NUBPL: variants seen among roughly 807,000 people sequenced by gnomAD.
NUBPL encodes NUBP iron-sulfur cluster assembly factor, mitochondrial.
Under a neutral mutation model 45.7 loss-of-function variants are expected in NUBPL, and 31 were observed. That is an observed-to-expected ratio of 0.68 (90% CI 0.51 to 0.92). The LOEUF (loss-of-function observed/expected upper bound fraction) is 0.92, where lower values mean the gene tolerates loss of function less well. NUBPL is among the 40% of genes least tolerant of loss of function. NUBPL has a pLI of 0.00. For missense variants in NUBPL, 401 were observed against 398.7 expected (o/e 1.01, Z -0.05); for synonymous variants, 144 against 140.9 (o/e 1.02, Z -0.15).
intron 3 of NUBPL, among the ~76,000 whole-genome samples, chr14:31,565,847 C>A (rs1332621244): frequency 6.6e-6 from 1 of 151,848 alleles, no homozygotes; most frequent in African/African-American, 2.4e-5. Context: ...AATTTCAGTT[C>A]CATTCTTTTC....
At chr14:31,713,846 A>G (rs2037629336) in intron 6 of NUBPL, among the ~76,000 whole-genome samples, 1 of 152,196 alleles carries the variant, frequency 6.6e-6, no homozygotes, top group Non-Finnish European at 1.5e-5. Flanking sequence ...TTAAATTTAT[A>G]TGGTGCAAAC....
rs900709293 is a variant in NUBPL at position 31,807,441 on chromosome 14, T to A, written c.608-19188T>A. Reference sequence around the variant, plus strand: ...TCTTCTTTTGAGAAGTGTCTGTTCATATCCTTTGCCCACTTTTTGATGGGG... The same window carrying A: ...TCTTCTTTTGAGAAGTGTCTGTTCAAATCCTTTGCCCACTTTTTGATGGGG... On this transcript the variant is annotated intron_variant, in intron 7 of 10. Coordinates refer to ENST00000281081, the MANE Select transcript of NUBPL (RefSeq NM_025152.3). 1.9e-4 allele frequency among the ~76,000 whole-genome samples: 29 copies of A among 152,338 alleles called. No homozygotes were observed. In the East Asian group the frequency reaches 2.1e-3, roughly 11 times the overall value.
At chr14:31,786,338 C>T (rs553265730) in intron 6 of NUBPL, among the ~76,000 whole-genome samples, 62 of 152,252 alleles carry the variant, frequency 4.1e-4, no homozygotes, top group Non-Finnish European at 7.1e-4. Context: ...ACGTCTTGAG[C>T]GTCTCCTGTT....
intron 3 of NUBPL, among the ~76,000 whole-genome samples, chr14:31,571,965 G>T (rs1027787225): frequency 1.6e-4 from 25 of 152,038 alleles, no homozygotes; most frequent in African/African-American, 5.8e-4. Flanking sequence ...AACGTTATGG[G>T]AATAAGTACT....
chr14:31,686,613 T>G (rs2036958058), intron 6 of NUBPL: 1 of 152,232 alleles, frequency 6.6e-6, no homozygotes. Context: ...CAGTTAAGTT[T>G]GAGCATCAGA....
intron 4 of NUBPL, among the ~76,000 whole-genome samples, chr14:31,659,604 G>C (rs1217759713): frequency 1.3e-5 from 2 of 152,274 alleles, no homozygotes; most frequent in Non-Finnish European, 2.9e-5. Context: ...AGTTTTAGAA[G>C]TGAGATACCA....
chr14:31,590,382 CT>C, intron 3 of NUBPL, among the ~76,000 whole-genome samples: 1 of 151,944 alleles, frequency 6.6e-6, no homozygotes, highest in Non-Finnish European at 1.5e-5. Flanking sequence ...CAGGAAGGGC[CT>C]TTAATTCTCA....
At chr14:31,696,382 TC>T (rs2037214950) in intron 6 of NUBPL, among the ~76,000 whole-genome samples, 1 of 152,222 alleles carries the variant, frequency 6.6e-6, no homozygotes, top group East Asian at 1.9e-4. Context: ...GCATGTCATC[TC>T]TTGTTCTCCC....
chr14:31,656,111 A>G (rs1394127832), intron 4 of NUBPL, among the ~76,000 whole-genome samples: 1 of 152,056 alleles, frequency 6.6e-6, no homozygotes, highest in African/African-American at 2.4e-5. Context: ...CTTAAACCTC[A>G]TGAACCAATA....
intron 6 of NUBPL, among the ~76,000 whole-genome samples, chr14:31,707,128 C>G (rs1302682945): frequency 6.6e-6 from 1 of 152,182 alleles, no homozygotes; most frequent in East Asian, 1.9e-4. Flanking sequence ...GGAGTTCCTC[C>G]TAGATCTGGT....
At chr14:31,793,114 A>T (rs117175902) in intron 7 of NUBPL, among the ~76,000 whole-genome samples, 4 of 152,138 alleles carry the variant, frequency 2.6e-5, no homozygotes, top group African/African-American at 7.2e-5. Flanking sequence ...CCCATATCCC[A>T]TAAACAACAT....
At chr14:31,628,599 T>C (rs540106377) in intron 4 of NUBPL, among the ~76,000 whole-genome samples, 17 of 152,346 alleles carry the variant, frequency 1.1e-4, no homozygotes, top group Middle Eastern at 3.4e-3. Flanking sequence ...TTATTTTGTA[T>C]GCTAAATACC....
At chr14:31,570,024 A>G (rs925283551) in intron 3 of NUBPL, among the ~76,000 whole-genome samples, 1 of 152,186 alleles carries the variant, frequency 6.6e-6, no homozygotes, top group African/African-American at 2.4e-5. Flanking sequence ...GCTCTGTGAG[A>G]TTCCTAAGTC....
intron 4 of NUBPL, among the ~76,000 whole-genome samples, chr14:31,602,253 G>C (rs939118736): frequency 2.8e-4 from 43 of 152,084 alleles, no homozygotes; most frequent in East Asian, 2.1e-3. Flanking sequence ...GTGGGAGGAG[G>C]GGGGAGGGAT....
At chr14:31,846,635 G>C (rs779655318) in intron 9 of NUBPL, 44 bp downstream of exon 9, 1 of 1,608,820 alleles carries the variant, frequency 6.2e-7, no homozygotes, top group South Asian at 1.1e-5. Context: ...TGGCAGAAGA[G>C]AAAGTGGGGA....
chr14:31,695,447 A>G (rs150751010), intron 6 of NUBPL, among the ~76,000 whole-genome samples: 2 of 150,332 alleles, frequency 1.3e-5, no homozygotes, highest in Non-Finnish European at 3.0e-5. Flanking sequence ...CCCACTCACT[A>G]TGGTTTGGGT....
intron 4 of NUBPL, among the ~76,000 whole-genome samples, chr14:31,669,054 G>A (rs2036507649): frequency 6.6e-6 from 1 of 151,924 alleles, no homozygotes; most frequent in Admixed American, 6.6e-5. Flanking sequence ...TTAGAGTTGG[G>A]GTCTCACTAT....
intron 3 of NUBPL, among the ~76,000 whole-genome samples, chr14:31,590,451 G>C (rs920009356): frequency 6.6e-6 from 1 of 152,094 alleles, no homozygotes; most frequent in South Asian, 2.1e-4. Flanking sequence ...TGGAACTGTG[G>C]GTTTCAAAAC....
chr14:31,631,959 A>G (rs1269190263), intron 4 of NUBPL, among the ~76,000 whole-genome samples: 1 of 152,146 alleles, frequency 6.6e-6, no homozygotes, highest in Non-Finnish European at 1.5e-5. Flanking sequence ...ATTAATCATC[A>G]TACTCCTCAA....
Sources: gnomAD v4.1 joint callset for allele counts (sites outside exome capture counted in the v4.1 genomes callset) on GRCh38, gnomAD v4.1.1 for gene constraint, MANE v1.5 for transcripts, NCBI Gene and HGNC (gene_info 2026-07-23, HGNC 2026-07-21) for gene names.